NRG3: variants seen among roughly 807,000 people sequenced by gnomAD.
NRG3 encodes neuregulin 3, also known as pro-neuregulin-3, membrane-bound isoform.
Under a neutral mutation model 66.9 loss-of-function variants are expected in NRG3, and 31 were observed. That is an observed-to-expected ratio of 0.46 (90% CI 0.35 to 0.63). The LOEUF is 0.63. Among genes scored for constraint, NRG3 ranks in the 20% least tolerant of loss-of-function variants. The pLI, the probability that NRG3 is intolerant of heterozygous loss-of-function variation, is 0.00. For synonymous variants in NRG3, 393 were observed against 359.4 expected (o/e 1.09, Z -1.06); for missense variants, 910 against 878.9 (o/e 1.04, Z -0.45).
chr10:82,747,769 T>C (rs1335386646), intron 3 of NRG3, among the ~76,000 whole-genome samples: 1 of 151,974 alleles, frequency 6.6e-6, no homozygotes, highest in Non-Finnish European at 1.5e-5. Flanking sequence ...TTTGATTTAT[T>C]ATTTATGATA....
Position 82,418,372 on chromosome 10 carries a change from T to TA in NRG3, c.953+59510dup, listed in dbSNP as rs374590103. On this transcript the variant is annotated intron_variant, in intron 2 of 8. Coordinates refer to ENST00000372141, the MANE Select transcript of NRG3 (RefSeq NM_001010848.4). Reference sequence around the variant, plus strand: ...TTGATGTTATGTTCCAAAGATGTAATAAAAAATTAACCAGTTTATGCAAAT... The same window carrying TA: ...TTGATGTTATGTTCCAAAGATGTAATAAAAAAATTAACCAGTTTATGCAAAT... Among the ~76,000 whole-genome samples, 408 of 144,988 alleles carry TA rather than the reference T, an allele frequency of 2.8e-3. 1 individual carries two copies. The highest frequency in any genetic ancestry group is 4.1e-3 in the Non-Finnish European group (279 of 67,330).
intron 1 of NRG3, among the ~76,000 whole-genome samples, chr10:82,250,053 C>T (rs2077413199): frequency 6.6e-6 from 1 of 152,156 alleles, no homozygotes; most frequent in Non-Finnish European, 1.5e-5. Flanking sequence ...TGTTATCCCC[C>T]AGAGCCACAC....
intron 3 of NRG3, among the ~76,000 whole-genome samples, chr10:82,810,793 T>C (rs11196053): frequency 0.044 from 6,629 of 150,514 alleles, 219 homozygotes; most frequent in Non-Finnish European, 0.068. Context: ...CCAGTGATGC[T>C]GAGGGTGTGA....
chr10:82,657,652 G>GA (rs538906388), intron 2 of NRG3, among the ~76,000 whole-genome samples: 1,515 of 144,828 alleles, frequency 0.01, 17 homozygotes, highest in Middle Eastern at 0.021. Flanking sequence ...AAGAAAAAAG[G>GA]AAAAAAAAAA....
In NRG3 at chr10:82,453,955, T is replaced by C. The variant is rs963054768; in HGVS notation, c.953+95087T>C. On this transcript the variant is annotated intron_variant, in intron 2 of 8. Transcript: ENST00000372141. ...GGATATATAAAGTTCCACAGTGAGATAGTCATAAAATTGGAACTGGAACTC... is the reference window on the plus strand; with the variant it reads ...GGATATATAAAGTTCCACAGTGAGACAGTCATAAAATTGGAACTGGAACTC... 3.3e-5 allele frequency among the ~76,000 whole-genome samples: 5 copies of C among 152,222 alleles called. No homozygotes were observed. In the East Asian group the frequency reaches 9.6e-4, roughly 29 times the overall value.
chr10:82,718,140 T>A (rs1012746768), intron 2 of NRG3, among the ~76,000 whole-genome samples: 1 of 152,226 alleles, frequency 6.6e-6, no homozygotes, highest in Non-Finnish European at 1.5e-5. Context: ...AGCTCCTATC[T>A]GGTACACCCA....
chr10:82,744,194 T>A (rs542928741), intron 3 of NRG3, among the ~76,000 whole-genome samples: 18 of 152,308 alleles, frequency 1.2e-4, no homozygotes, highest in African/African-American at 4.3e-4. Context: ...TAATTAAGCA[T>A]ATGTAACATA....
intron 1 of NRG3, among the ~76,000 whole-genome samples, chr10:82,164,074 C>T (rs183993774): frequency 6.6e-6 from 1 of 151,998 alleles, no homozygotes; most frequent in African/African-American, 2.4e-5. Context: ...GCATGCACCA[C>T]CATGTCTGGC....
At chr10:82,593,390 A>G (rs2047093139) in intron 2 of NRG3, among the ~76,000 whole-genome samples, 2 of 152,212 alleles carry the variant, frequency 1.3e-5, no homozygotes, top group Non-Finnish European at 2.9e-5. Context: ...TCTTGAGATT[A>G]TGGTAGAAAT....
intron 3 of NRG3, among the ~76,000 whole-genome samples, chr10:82,789,377 T>C (rs1250693449): frequency 6.6e-6 from 1 of 152,126 alleles, no homozygotes; most frequent in Non-Finnish European, 1.5e-5. Context: ...GTGTTCTTTA[T>C]ATACTCAGTG....
At chr10:82,936,978 G>A (rs1255770079) in intron 4 of NRG3, among the ~76,000 whole-genome samples, 2 of 152,010 alleles carry the variant, frequency 1.3e-5, no homozygotes, top group Non-Finnish European at 2.9e-5. Flanking sequence ...TATCAGCACT[G>A]ATATTTATAA....
At chr10:81,905,326 C>G (rs1181606427) in intron 1 of NRG3, among the ~76,000 whole-genome samples, 8 of 152,136 alleles carry the variant, frequency 5.3e-5, no homozygotes, top group Non-Finnish European at 1.2e-4. Flanking sequence ...CCAGGTTTCC[C>G]ATTCCTCTAG....
rs941337685 is a variant in NRG3, at chr10:82,390,245, C to T, written c.953+31377C>T. Among the ~76,000 whole-genome samples the T allele has an allele frequency of 1.2e-4, 19 of 152,116 alleles. No individual in the cohort carries two copies. In the East Asian group the frequency reaches 1.5e-3, roughly 12 times the overall value. On this transcript the variant is annotated intron_variant, in intron 2 of 8. Transcript: ENST00000372141. ...TCTCTGAAATTTTTGCCTCTACTTT[C>T]TTTAATGGCATTTCCCTATGTCACT...
intron 4 of NRG3, among the ~76,000 whole-genome samples, chr10:82,940,418 A>G (rs1848485254): frequency 6.6e-6 from 1 of 152,096 alleles, no homozygotes; most frequent in Non-Finnish European, 1.5e-5. Context: ...TCATCTTTAG[A>G]TGATGTTCTC....
chr10:82,730,734 A>G (rs772363917), intron 2 of NRG3, among the ~76,000 whole-genome samples: 3 of 152,136 alleles, frequency 2.0e-5, no homozygotes, highest in Non-Finnish European at 4.4e-5. Flanking sequence ...AGCAAAAGAA[A>G]CCTTATTCTT....
intron 2 of NRG3, among the ~76,000 whole-genome samples, chr10:82,584,793 T>A (rs897176373): frequency 1.3e-5 from 2 of 152,130 alleles, no homozygotes; most frequent in Non-Finnish European, 2.9e-5. Flanking sequence ...GCCATTGTCT[T>A]TTAGCATTGG....
intron 3 of NRG3, among the ~76,000 whole-genome samples, chr10:82,791,387 C>T (rs77318734): frequency 6.0e-4 from 91 of 151,998 alleles, no homozygotes; most frequent in African/African-American, 2.1e-3. Context: ...CAGCCACTGA[C>T]ATCTCTTTTC....
At chr10:82,041,895 T>C (rs1236070304) in intron 1 of NRG3, among the ~76,000 whole-genome samples, 1 of 151,954 alleles carries the variant, frequency 6.6e-6, no homozygotes, top group Non-Finnish European at 1.5e-5. Flanking sequence ...TTGAAGATCA[T>C]TCAGTCCAAT....
At chr10:81,914,621 G>A (rs1000484487) in intron 1 of NRG3, among the ~76,000 whole-genome samples, 1 of 151,900 alleles carries the variant, frequency 6.6e-6, no homozygotes, top group Non-Finnish European at 1.5e-5. Flanking sequence ...CTGGGCATGG[G>A]GGTGTGTGCC....
Sources: allele counts gnomAD v4.1 joint callset (sites outside exome capture counted in the v4.1 genomes callset), GRCh38; gene constraint gnomAD v4.1.1; transcripts MANE v1.5; gene names NCBI Gene and HGNC (gene_info 2026-07-23, HGNC 2026-07-21).